The following PCNX2 variants were observed in gnomAD, a reference collection of about 807,000 sequenced individuals.
PCNX2 encodes pecanex 2.
In PCNX2, 168 loss-of-function variants were observed where a neutral mutation model predicts 223.8. That is an observed-to-expected ratio of 0.75 (90% CI 0.66 to 0.85). PCNX2 has a LOEUF of 0.85. Among genes scored for constraint, PCNX2 ranks in the 40% least tolerant of loss-of-function variants. The pLI is 0.00. For missense variants in PCNX2, 2,507 were observed against 2,675.5 expected (o/e 0.94, Z 1.39); for synonymous variants, 1,006 against 1,052.6 (o/e 0.96, Z 0.86).
At position 233,115,377 on chromosome 1, in the gene PCNX2, C is replaced by T. The variant is rs982519577; in HGVS notation, c.3838-19514G>A. 3.9e-5 allele frequency among the ~76,000 whole-genome samples: 6 copies of T among 152,060 alleles called. No individual in the cohort carries two copies. The South Asian group carries it at 8.3e-4, about 21-fold the overall frequency. ...AGCGCTACAAGACATAAACCGTTTC[C>T]GAAGAGAAGCTTTAAGGGAAACCGA... is the stretch of plus-strand genomic sequence containing the variant. On this transcript the variant is annotated intron_variant, in intron 21 of 33. Transcript: ENST00000258229.
chr1:233,259,140 T>TGGCGC lies in PCNX2; in HGVS notation c.717_721dup (p.His241ArgfsTer9), dbSNP rs1659909442. 6.2e-7 allele frequency: 1 copy of TGGCGC among 1,613,992 alleles called. No individual in the cohort carries two copies. Among genetic ancestry groups the TGGCGC allele is most frequent in the South Asian group, 1.1e-5 (1 of 91,084 alleles). ...ATCCACTAAGCCACCCTCGGATCTG[T>TGGCGC]GGCGCAAAGGAGGCTGCCCCTTGCC... is the stretch of plus-strand genomic sequence containing the variant. On this transcript the variant is annotated frameshift_variant, in exon 5 of 34. Coordinates refer to ENST00000258229, the MANE Select transcript of PCNX2 (RefSeq NM_014801.4). LOFTEE classifies it high-confidence loss of function.
intron 21 of PCNX2, among the ~76,000 whole-genome samples, chr1:233,131,852 T>G (rs1472501138): frequency 6.6e-6 from 1 of 152,180 alleles, no homozygotes; most frequent in East Asian, 1.9e-4. Flanking sequence ...TATCTGAAAT[T>G]ATTCATATTT....
intron 1 of PCNX2, among the ~76,000 whole-genome samples, chr1:233,287,068 C>A (rs889504850): frequency 2.6e-5 from 4 of 152,240 alleles, no homozygotes; most frequent in Admixed American, 2.6e-4. Flanking sequence ...GAAGAAAACT[C>A]CTGTCCAAGG....
chr1:233,090,007 C>T (rs1673789654), intron 23 of PCNX2, 54 bp downstream of exon 23: 2 of 1,610,308 alleles, frequency 1.2e-6, no homozygotes, highest in South Asian at 1.1e-5. Flanking sequence ...GCAGAGGAGC[C>T]TTCTGAAGTG....
At chr1:233,309,087 G>A in the PCNX2 span, among the ~76,000 whole-genome samples, 1,605 of 152,202 alleles carry the variant, frequency 0.011, 27 homozygotes, top group African/African-American at 0.036. Flanking sequence ...TTGGGTGGGT[G>A]TGTGATAAGG....
At position 233,184,016 on chromosome 1, in the gene PCNX2, A is replaced by G. The variant is rs1246177520; in HGVS notation, c.3067-4841T>C. Among the ~76,000 whole-genome samples the G allele has an allele frequency of 1.2e-4, 18 of 152,214 alleles. 1 individual carries two copies. The highest frequency in any genetic ancestry group is 1.2e-3 in the Admixed American group (18 of 15,284). On this transcript the variant is annotated intron_variant, in intron 15 of 33. Coordinates refer to ENST00000258229, the MANE Select transcript of PCNX2 (RefSeq NM_014801.4). ...TTCATTTCATACTTGACCATTACAC[A>G]ATAAACACAAAACGTTTTCCAAAGA...
intron 13 of PCNX2, chr1:233,202,075 G>T (rs1218408015): frequency 2.4e-6 from 1 of 412,588 alleles, no homozygotes; most frequent in Non-Finnish European, 4.9e-6. Context: ...GGAATGGGAG[G>T]AAGAGGGAGT....
chr1:233,258,730 T>A lies in PCNX2; in HGVS notation c.1132A>T (p.Ile378Phe). ...LSLHEPIKIVITMSSTPNSMT... is the reference protein window; with the variant it reads ...LSLHEPIKIVFTMSSTPNSMT... ...GAGTTTGGGGTACTGCTCATCGTGA[T>A]AACAATTTTTATGGGCTCATGTAGA... Residue 378 changes from isoleucine (I) to phenylalanine (F), a missense_variant, in exon 5 of 34, where the codon ATC (isoleucine) becomes TTC (phenylalanine). This residue lies in a region of PCNX2 where 1,031 missense variants were observed against 1,021.7 expected (regional missense o/e 1.01). Transcript: ENST00000258229. 1 of 1,613,916 alleles carries A rather than the reference T, an allele frequency of 6.2e-7. No individual in the cohort carries two copies. Among genetic ancestry groups the A allele is most frequent in the Non-Finnish European group, 8.5e-7 (1 of 1,179,884 alleles).
At chr1:233,199,059 C>G in intron 14 of PCNX2, 29 bp from the exon 15 acceptor site, 1 of 1,519,910 alleles carries the variant, frequency 6.6e-7, no homozygotes, top group Non-Finnish European at 8.9e-7. Flanking sequence ...CAGTTCTTTT[C>G]TAGACCCGCC....
At chr1:233,042,875 T>C (rs1671691262) in intron 25 of PCNX2, among the ~76,000 whole-genome samples, 1 of 152,156 alleles carries the variant, frequency 6.6e-6, no homozygotes. Flanking sequence ...ATAAACACTA[T>C]GATACAAATT....
intron 15 of PCNX2, chr1:233,180,799 T>C (rs1050285327): frequency 6.6e-6 from 1 of 152,188 alleles, no homozygotes; most frequent in Non-Finnish European, 1.5e-5. Flanking sequence ...CTGAGCTGCA[T>C]GGCTACAAAG....
intron 23 of PCNX2, among the ~76,000 whole-genome samples, chr1:233,081,660 C>G (rs1389878082): frequency 6.6e-6 from 1 of 152,214 alleles, no homozygotes; most frequent in Non-Finnish European, 1.5e-5. Flanking sequence ...TTCTTTTGAG[C>G]TATAAATGTT....
chr1:233,138,039 T>C (rs970366983), intron 20 of PCNX2, among the ~76,000 whole-genome samples: 43 of 152,348 alleles, frequency 2.8e-4, no homozygotes, highest in African/African-American at 9.6e-4. Flanking sequence ...CCTGCTATCC[T>C]GTTTGAGAAC....
At chr1:232,989,424 G>A (rs1488958396) in intron 32 of PCNX2, among the ~76,000 whole-genome samples, 12 of 151,912 alleles carry the variant, frequency 7.9e-5, no homozygotes, top group East Asian at 1.9e-4. Flanking sequence ...ACTGCCGTCC[G>A]GCCTGGGTGA....
chr1:233,287,161 A>G (rs1326934177), intron 1 of PCNX2, among the ~76,000 whole-genome samples: 1 of 152,242 alleles, frequency 6.6e-6, no homozygotes, highest in Admixed American at 6.5e-5. Flanking sequence ...TTCCACTCAC[A>G]TGTGTATAAA....
At position 233,014,751 on chromosome 1, in the gene PCNX2, C is replaced by G. The variant is rs374706528; in HGVS notation, c.4866G>C (p.Glu1622Asp). Residue 1622 changes from glutamate (E) to aspartate (D), a missense_variant, in exon 28 of 34, where the codon GAG (glutamate) becomes GAC (aspartate). By Grantham distance (45) the Glu-to-Asp change is conservative. Coordinates refer to ENST00000258229, the MANE Select transcript of PCNX2 (RefSeq NM_014801.4). ...QEPSTTLDSDEDSPLVTLSFA... is the reference protein window; with the variant it reads ...QEPSTTLDSDDDSPLVTLSFA... ...AGGACAGAGTCACCAAGGGAGAGTC[C>G]TCGTCACTGTCCAGGGTCGTTGAAG... 6.2e-7 allele frequency: 1 copy of G among 1,613,930 alleles called. No individual in the cohort carries two copies. Among genetic ancestry groups the G allele is most frequent in the Non-Finnish European group, 8.5e-7 (1 of 1,179,886 alleles).
chr1:233,242,901 T>C (rs1339814953), intron 8 of PCNX2, among the ~76,000 whole-genome samples: 2 of 152,238 alleles, frequency 1.3e-5, no homozygotes, highest in East Asian at 3.8e-4. Context: ...CAAGTGGATT[T>C]ATCCTCTGGC....
chr1:233,036,568 T>C (rs899663929), intron 25 of PCNX2, among the ~76,000 whole-genome samples: 1 of 150,060 alleles, frequency 6.7e-6, no homozygotes, highest in African/African-American at 2.5e-5. Context: ...AGGCAGAGGG[T>C]GCAGAGAGCC....
intron 21 of PCNX2, chr1:233,112,740 T>G: frequency 2.2e-6 from 2 of 926,876 alleles, no homozygotes; most frequent in South Asian, 1.8e-5. Context: ...ACATATTTAT[T>G]ATAGTATACT....
Sources: allele counts gnomAD v4.1 joint callset (sites outside exome capture counted in the v4.1 genomes callset), GRCh38; gene constraint gnomAD v4.1.1; regional missense constraint gnomAD v4.1.1; transcripts MANE v1.5; gene names NCBI Gene and HGNC (gene_info 2026-07-23, HGNC 2026-07-21).